Variants in TMEM245 observed in about 807,000 individuals in gnomAD.
TMEM245 encodes the protein transmembrane protein 245.
In TMEM245, 69 loss-of-function variants were observed where a neutral mutation model predicts 101.2. The ratio of observed to expected loss-of-function variants is 0.68; its 90% confidence interval spans 0.56 to 0.83. The LOEUF (loss-of-function observed/expected upper bound fraction) is 0.83. Ranked by LOEUF, TMEM245 falls within the 40% of genes least tolerant of loss-of-function variation. TMEM245 has a pLI of 0.00. For synonymous variants in TMEM245, 537 were observed against 449.8 expected, an observed-to-expected ratio of 1.19 and a Z score of -2.45; for missense variants, 1,075 against 1,092.8, an observed-to-expected ratio of 0.98 and a Z score of 0.23.
At chr9:109,108,005 T>C (rs1303555655) in intron 2 of TMEM245, among the ~76,000 whole-genome samples, 2 of 152,172 alleles carry the variant, frequency 1.3e-5, no homozygotes, top group Non-Finnish European at 2.9e-5. Flanking sequence ...ATATTAGAAA[T>C]AGGCTTTCAT....
Position 109,033,371 on chromosome 9 carries a change from G to A in TMEM245, c.2530C>T (p.Leu844=), listed in dbSNP as rs201367653. ...VVASNIYSAM[L]VSPTNSVPTP... ...GGAACTGAATTCGTGGGACTCACTAGCATGGCACTATAGATATTGGAAGCA... is the reference window on the plus strand; with the variant it reads ...GGAACTGAATTCGTGGGACTCACTAACATGGCACTATAGATATTGGAAGCA... The change falls in exon 17 of 18, where the codon CTA becomes TTA. Residue 844 remains leucine, a synonymous_variant. Coordinates refer to ENST00000374586, the MANE Select transcript of TMEM245 (RefSeq NM_032012.4). 3.2e-4 allele frequency: 512 copies of A among 1,614,132 alleles called. No individual in the cohort carries two copies. Among genetic ancestry groups the A allele is most frequent in the Non-Finnish European group, 2.4e-4 (289 of 1,180,000 alleles).
chr9:109,052,307 C>T (rs930831802), intron 12 of TMEM245, among the ~76,000 whole-genome samples: 40 of 152,216 alleles, frequency 2.6e-4, no homozygotes, highest in African/African-American at 9.2e-4. Flanking sequence ...CTATTTTATA[C>T]ATACATAATT....
At chr9:109,091,613 C>T (rs182596599) in intron 4 of TMEM245, among the ~76,000 whole-genome samples, 85 of 152,232 alleles carry the variant, frequency 5.6e-4, no homozygotes, top group African/African-American at 1.9e-3. Flanking sequence ...TAAAATGGAA[C>T]CAACCAATCT....
At position 109,015,617 on chromosome 9, in the gene TMEM245, T is replaced by A. The variant is rs1208183338; in HGVS notation, c.*4843A>T. On this transcript the variant is annotated 3_prime_UTR_variant, in exon 18 of 18. Transcript: ENST00000374586. ...AGCAAAAAGCTAGTAAGAAACCAGATGTCTAGTAAAGAACTCTGGACTTGG... is the reference window on the plus strand; with the variant it reads ...AGCAAAAAGCTAGTAAGAAACCAGAAGTCTAGTAAAGAACTCTGGACTTGG... The A allele has an allele frequency of 6.6e-6, 1 of 152,626 alleles. No individual in the cohort carries two copies. Among genetic ancestry groups the A allele is most frequent in the African/African-American group, 2.4e-5 (1 of 41,454 alleles). 9.5% of individuals were successfully genotyped at this position (152,626 alleles called of 1,614,324 possible).
intron 3 of TMEM245, among the ~76,000 whole-genome samples, chr9:109,104,273 T>G (rs761583546): frequency 1.3e-5 from 2 of 152,144 alleles, no homozygotes; most frequent in Non-Finnish European, 2.9e-5. Context: ...ACACATTACA[T>G]GCCTGTGTCA....
Position 109,016,717 on chromosome 9 carries a change from A to G in TMEM245, c.*3743T>C, listed in dbSNP as rs1012823345. ...TAATCGGTAAGTTAATAAAATGAAT[A>G]TATTTTGATGGCAGAATGTTGAAAG... On this transcript the variant is annotated 3_prime_UTR_variant, in exon 18 of 18. Coordinates refer to ENST00000374586, the MANE Select transcript of TMEM245 (RefSeq NM_032012.4). The G allele has an allele frequency of 6.8e-6, 1 of 147,408 alleles. No individual in the cohort carries two copies. The highest frequency in any genetic ancestry group is 1.5e-5 in the Non-Finnish European group (1 of 67,438). The allele number at this position is 147,408 out of a possible 1,614,324, so 9.1% of individuals were successfully genotyped here. A position where few individuals can be genotyped will look rare whatever the true frequency, so the allele number is the denominator to read the frequency against.
chr9:109,059,033 T>C (rs1231482637), intron 11 of TMEM245, among the ~76,000 whole-genome samples: 2 of 152,164 alleles, frequency 1.3e-5, no homozygotes, highest in Non-Finnish European at 2.9e-5. Flanking sequence ...AAACCTATGC[T>C]TATGAAACAC....
intron 3 of TMEM245, among the ~76,000 whole-genome samples, chr9:109,103,804 G>A (rs560675983): frequency 6.6e-6 from 1 of 152,300 alleles, no homozygotes; most frequent in South Asian, 2.1e-4. Context: ...TAAAAAAATG[G>A]ACAGGGCGTG....
At chr9:109,105,566 T>C (rs2583376) in intron 3 of TMEM245, among the ~76,000 whole-genome samples, 10,303 of 152,266 alleles carry the variant, frequency 0.068, 446 homozygotes, top group African/African-American at 0.11. Flanking sequence ...GCAGCACTAT[T>C]CACAATAGAC....
chr9:109,036,872 T>A (rs1588023611), intron 15 of TMEM245, among the ~76,000 whole-genome samples: 2 of 152,314 alleles, frequency 1.3e-5, no homozygotes, highest in South Asian at 4.1e-4. Context: ...CTGGCTTCTC[T>A]CCAAGTTAAG....
intron 3 of TMEM245, 79 bp from the exon 4 acceptor site, chr9:109,093,670 TCAA>T (rs1830066581): frequency 3.5e-6 from 4 of 1,143,066 alleles, no homozygotes; most frequent in Admixed American, 1.7e-5. Context: ...TCCAACATTT[TCAA>T]CAACAACAAA....
chr9:109,055,550 TAAAA>T (rs1287220848), intron 12 of TMEM245, among the ~76,000 whole-genome samples: 3 of 152,026 alleles, frequency 2.0e-5, no homozygotes, highest in Non-Finnish European at 4.4e-5. Context: ...CTCAAATAAG[TAAAA>T]AAGGATGGTT....
intron 17 of TMEM245, among the ~76,000 whole-genome samples, chr9:109,023,997 G>A (rs1827720883): frequency 6.6e-6 from 1 of 151,972 alleles, no homozygotes; most frequent in Admixed American, 6.6e-5. Flanking sequence ...AATATTTTGG[G>A]ATCTGCTTGC....
chr9:109,033,908 T>C (rs1000841936), intron 16 of TMEM245, among the ~76,000 whole-genome samples: 1 of 152,042 alleles, frequency 6.6e-6, no homozygotes, highest in African/African-American at 2.4e-5. Flanking sequence ...TTAATTATGC[T>C]TTTATATGAC....
chr9:109,101,500 T>C lies in TMEM245; in HGVS notation c.799+5008A>G, dbSNP rs555887227. Among the ~76,000 whole-genome samples the C allele has an allele frequency of 2.6e-5, 4 of 152,290 alleles. No individual in the cohort carries two copies. The South Asian group carries it at 8.3e-4, about 32-fold the overall frequency. The stretch of plus-strand genomic sequence containing the variant: ...TTCTGATTCTTAAAAAGAAACGATG[T>C]TCTTAGGGGCAAGAAGAAAAAAATA... On this transcript the variant is annotated intron_variant, in intron 3 of 17. Transcript: ENST00000374586.
intron 8 of TMEM245, among the ~76,000 whole-genome samples, chr9:109,074,936 T>G (rs1259098907): frequency 6.6e-6 from 1 of 152,142 alleles, no homozygotes; most frequent in East Asian, 1.9e-4. Context: ...ACAGCCAGAA[T>G]GAATAAGGCC....
intron 7 of TMEM245, 51 bp downstream of exon 7, chr9:109,085,946 G>A: frequency 6.3e-7 from 1 of 1,589,122 alleles, no homozygotes; most frequent in Non-Finnish European, 8.6e-7. Flanking sequence ...AGGCGATACA[G>A]GGGCATTACG....
intron 3 of TMEM245, among the ~76,000 whole-genome samples, chr9:109,102,841 G>C (rs1373096122): frequency 6.6e-6 from 1 of 152,214 alleles, no homozygotes; most frequent in Admixed American, 6.5e-5. Context: ...AAAGAAGCAA[G>C]GAGTAAAGTA....
At chr9:109,065,737 T>G (rs1015258988) in intron 9 of TMEM245, among the ~76,000 whole-genome samples, 1 of 152,132 alleles carries the variant, frequency 6.6e-6, no homozygotes, top group African/African-American at 2.4e-5. Flanking sequence ...GCTGGAGATG[T>G]TGACATTCAC....
Sources: gnomAD v4.1 joint callset for allele counts (sites outside exome capture counted in the v4.1 genomes callset) on GRCh38, gnomAD v4.1.1 for gene constraint, MANE v1.5 for transcripts, NCBI Gene and HGNC (gene_info 2026-07-23, HGNC 2026-07-21) for gene names.